The following STK32C variants were observed in gnomAD, a reference collection of about 807,000 sequenced individuals.
STK32C encodes serine/threonine kinase 32C, also known as serine/threonine-protein kinase 32C.
A neutral mutation model predicts 56.5 loss-of-function variants in STK32C; 31 were observed. The ratio of observed to expected loss-of-function variants is 0.55; its 90% CI spans 0.41 to 0.74. The LOEUF is 0.74. Among genes scored for constraint, STK32C ranks in the 30% least tolerant of loss-of-function variants. STK32C has a pLI of 0.00. For synonymous variants in STK32C, 309 were observed against 289.4 expected, an observed-to-expected ratio of 1.07 and a Z score of -0.69; for missense variants, 544 against 676.9, an observed-to-expected ratio of 0.80 and a Z score of 2.18.
In STK32C at chr10:132,208,012, AGCCGCTCCCGGCCGAGGGGCAAATGGG is replaced by A. The variant is rs2062151788; in HGVS notation, c.1432_1458del (p.Pro478_Gly486del). 1 of 1,307,830 alleles carries A rather than the reference AGCCGCTCCCGGCCGAGGGGCAAATGGG, an allele frequency of 7.6e-7. No individual in the cohort carries two copies. The highest frequency in any genetic ancestry group is 3.1e-5 in the Admixed American group (1 of 32,050). The allele number at this position is 1,307,830 out of a possible 1,614,324, so 81.0% of individuals were successfully genotyped here. ...GTGAGGACCACGGGCGTCCCGGCCT[AGCCGCTCCCGGCCGAGGGGCAAATGGG>A]GCCGCACATGGGCAGGGCGGAGCGT... On this transcript the variant is annotated inframe_deletion, in exon 12 of 12. Transcript: ENST00000298630.
At chr10:132,236,883 C>G (rs1409280942) in intron 2 of STK32C, among the ~76,000 whole-genome samples, 3 of 152,228 alleles carry the variant, frequency 2.0e-5, no homozygotes, top group Non-Finnish European at 4.4e-5. Context: ...GGTCCCTGCA[C>G]TCCCTGCTTG....
At chr10:132,258,405 G>A (rs1371865905) in intron 1 of STK32C, among the ~76,000 whole-genome samples, 1 of 152,238 alleles carries the variant, frequency 6.6e-6, no homozygotes, top group Non-Finnish European at 1.5e-5. Flanking sequence ...GCGTGGCCCT[G>A]GCCGCCCCCC....
At chr10:132,273,352 G>C (rs373395260) in intron 1 of STK32C, among the ~76,000 whole-genome samples, 26 of 152,262 alleles carry the variant, frequency 1.7e-4, no homozygotes, top group African/African-American at 6.3e-4. Flanking sequence ...GCAGGTGTCT[G>C]TGGGGCTCAG....
chr10:132,207,656 T>G lies in STK32C; in HGVS notation c.*354A>C, dbSNP rs1390307719. 4.6e-6 allele frequency: 1 copy of G among 215,134 alleles called. No individual in the cohort carries two copies. The highest frequency in any genetic ancestry group is 2.3e-5 in the African/African-American group (1 of 43,802). The allele number at this position is 215,134 out of a possible 1,614,324, so 13.3% of individuals were successfully genotyped here. ...GCACCCGCGGCCTGTGCTGCAAGGGTCACCTTGTGACGAGGGCCGTGCACA... is the reference window on the plus strand; with the variant it reads ...GCACCCGCGGCCTGTGCTGCAAGGGGCACCTTGTGACGAGGGCCGTGCACA... On this transcript the variant is annotated 3_prime_UTR_variant, in exon 12 of 12. Coordinates refer to ENST00000298630, the MANE Select transcript of STK32C (RefSeq NM_173575.4).
chr10:132,236,433 GC>G (rs919270229), intron 2 of STK32C, among the ~76,000 whole-genome samples: 1 of 152,226 alleles, frequency 6.6e-6, no homozygotes, highest in African/African-American at 2.4e-5. Flanking sequence ...GCAGGTGGCA[GC>G]CCCACCGTGC....
At chr10:132,263,468 G>A (rs1590313650) in intron 1 of STK32C, among the ~76,000 whole-genome samples, 1 of 152,060 alleles carries the variant, frequency 6.6e-6, no homozygotes, top group African/African-American at 2.4e-5. Flanking sequence ...GTCAAGGGTT[G>A]AAAAACCAGC....
At chr10:132,248,868 G>C (rs2063784061) in intron 1 of STK32C, among the ~76,000 whole-genome samples, 1 of 152,248 alleles carries the variant, frequency 6.6e-6, no homozygotes, top group African/African-American at 2.4e-5. Flanking sequence ...CTGTGAACCA[G>C]CAAGGGAGTC....
At chr10:132,297,361 T>C (rs1564788156) in intron 1 of STK32C, among the ~76,000 whole-genome samples, 1 of 152,144 alleles carries the variant, frequency 6.6e-6, no homozygotes, top group Non-Finnish European at 1.5e-5. Context: ...AAGGGCCTGC[T>C]GTGGCTGTGC....
At chr10:132,284,154 G>A (rs1413773072) in intron 1 of STK32C, among the ~76,000 whole-genome samples, 3 of 151,738 alleles carry the variant, frequency 2.0e-5, no homozygotes, top group Admixed American at 1.3e-4. Flanking sequence ...AGCAGACGCC[G>A]ACCACAAGCC....
chr10:132,225,500 C>T (rs772848707), intron 6 of STK32C, 27 bp downstream of exon 6: 135 of 1,613,212 alleles, frequency 8.4e-5, no homozygotes, highest in Non-Finnish European at 1.1e-4. Flanking sequence ...AAGCCAGCTC[C>T]CATCTGGAAC....
At chr10:132,287,887 G>A (rs2065455430) in intron 1 of STK32C, among the ~76,000 whole-genome samples, 3 of 152,180 alleles carry the variant, frequency 2.0e-5, no homozygotes, top group Non-Finnish European at 2.9e-5. Flanking sequence ...TGGGATAAAA[G>A]AGCAAATAAT....
chr10:132,244,882 G>C (rs1039015700), intron 2 of STK32C, among the ~76,000 whole-genome samples: 8 of 152,166 alleles, frequency 5.3e-5, no homozygotes, highest in East Asian at 1.9e-4. Context: ...ACCTCACCTC[G>C]ATGGTCAACC....
At chr10:132,269,660 A>G (rs1053010653) in intron 1 of STK32C, among the ~76,000 whole-genome samples, 1 of 152,244 alleles carries the variant, frequency 6.6e-6, no homozygotes, top group Non-Finnish European at 1.5e-5. Flanking sequence ...GACAGACCCC[A>G]GGCTGTCGCC....
intron 1 of STK32C, among the ~76,000 whole-genome samples, chr10:132,298,744 G>A (rs1179626231): frequency 3.3e-5 from 5 of 152,062 alleles, no homozygotes; most frequent in Non-Finnish European, 7.4e-5. Context: ...AGTGTGTGGG[G>A]AAGCTCCCTT....
chr10:132,286,238 A>C (rs1258884581), intron 1 of STK32C, among the ~76,000 whole-genome samples: 2 of 152,244 alleles, frequency 1.3e-5, no homozygotes, highest in Admixed American at 1.3e-4. Context: ...AACACAAAAG[A>C]GATGGAAGAT....
At chr10:132,223,902 C>G (rs1235401100) in intron 8 of STK32C, among the ~76,000 whole-genome samples, 1 of 152,228 alleles carries the variant, frequency 6.6e-6, no homozygotes, top group Non-Finnish European at 1.5e-5. Context: ...ATGGGAGGCA[C>G]TACTGATGGC....
intron 1 of STK32C, among the ~76,000 whole-genome samples, chr10:132,326,792 A>G (rs900379239): frequency 1.3e-5 from 2 of 152,152 alleles, no homozygotes; most frequent in African/African-American, 2.4e-5. Flanking sequence ...TCAGTCCTCC[A>G]CTGCTGGTCA....
intron 2 of STK32C, among the ~76,000 whole-genome samples, chr10:132,244,376 G>A (rs909579167): frequency 6.6e-5 from 10 of 152,234 alleles, no homozygotes; most frequent in Admixed American, 6.5e-4. Flanking sequence ...AACCCTGGCA[G>A]TCTACAGATG....
At chr10:132,227,113 A>C in intron 3 of STK32C, 145 bp from the exon 4 acceptor site, 1 of 941,768 alleles carries the variant, frequency 1.1e-6, no homozygotes. Context: ...GGCCTGCCCA[A>C]GGCACTGATT....
Sources: allele counts gnomAD v4.1 joint callset (sites outside exome capture counted in the v4.1 genomes callset), GRCh38; gene constraint gnomAD v4.1.1; transcripts MANE v1.5; gene names NCBI Gene and HGNC (gene_info 2026-07-23, HGNC 2026-07-21).